The following PDXDC1 variants were observed in gnomAD, a reference collection of about 807,000 sequenced individuals.
PDXDC1 encodes the protein pyridoxal-dependent decarboxylase domain-containing protein 1.
A neutral mutation model predicts 100.1 loss-of-function variants in PDXDC1; 42 were observed. The ratio of observed to expected loss-of-function variants is 0.42; its 90% CI spans 0.33 to 0.54. The LOEUF is 0.54. Among genes scored for constraint, PDXDC1 ranks in the 20% least tolerant of loss-of-function variants. PDXDC1 has a pLI of 0.10. For missense variants in PDXDC1, 636 were observed against 979.2 expected, an observed-to-expected ratio of 0.65 and a Z score of 4.68; for synonymous variants, 260 against 371.7, an observed-to-expected ratio of 0.70 and a Z score of 3.46.
At chr16:15,144,870 G>A in the PDXDC1 span, among the ~76,000 whole-genome samples, 7 of 152,182 alleles carry the variant, frequency 4.6e-5, no homozygotes, top group South Asian at 2.1e-4. Flanking sequence ...GAAGGAGAGC[G>A]CTTCATACGT....
chr16:15,080,061 T>A, intron 16 of PDXDC1: 1 of 1,603,472 alleles, frequency 6.2e-7, no homozygotes. Flanking sequence ...TTGGAAAATA[T>A]ACACTAATCC....
chr16:15,124,653 T>G (rs1034882395), intron 16 of PDXDC1, among the ~76,000 whole-genome samples: 6 of 150,596 alleles, frequency 4.0e-5, no homozygotes, highest in Admixed American at 3.3e-4. Flanking sequence ...GCGCCTGTAG[T>G]CCCACCTACT....
intron 16 of PDXDC1, among the ~76,000 whole-genome samples, chr16:15,120,600 TA>T (rs1245477768): frequency 0.079 from 3 of 38 alleles, no homozygotes; most frequent in African/African-American, 0.5. Context: ...TCAGCATAAG[TA>T]AAAAAAAAAA....
chr16:15,102,321 C>T (rs1183474557), intron 16 of PDXDC1, among the ~76,000 whole-genome samples: 2 of 152,120 alleles, frequency 1.3e-5, no homozygotes, highest in Non-Finnish European at 2.9e-5. Context: ...TAAACCTGCC[C>T]TGAAGGGAGG....
intron 16 of PDXDC1, chr16:15,094,031 C>G: frequency 3.3e-6 from 3 of 904,962 alleles, no homozygotes; most frequent in Non-Finnish European, 5.4e-6. Flanking sequence ...ACCCTCCACC[C>G]CGTGCTCCTA....
At chr16:15,133,817 G>A (rs2048222704) in intron 16 of PDXDC1, 2 of 1,585,824 alleles carry the variant, frequency 1.3e-6, no homozygotes, top group Non-Finnish European at 8.5e-7. Context: ...AGTGCACCTT[G>A]GTGGTGAGGG....
intron 16 of PDXDC1, among the ~76,000 whole-genome samples, chr16:15,093,054 A>T (rs1430147382): frequency 6.6e-6 from 1 of 151,556 alleles, no homozygotes; most frequent in Non-Finnish European, 1.5e-5. Context: ...CCCAGGCTGG[A>T]GTGCAGTGGT....
intron 16 of PDXDC1, among the ~76,000 whole-genome samples, chr16:15,031,112 A>ATTTTTT (rs771115923): frequency 6.8e-5 from 5 of 73,920 alleles, no homozygotes; most frequent in Non-Finnish European, 7.4e-5. Flanking sequence ...CACCACATCT[A>ATTTTTT]TTTTTTTTTT....
rs571107840 is a variant in PDXDC1 at position 15,106,668 on chromosome 16, T to A, written c.1400-32211T>A. On this transcript the variant is annotated intron_variant, in intron 16 of 16. Transcript: ENST00000535621. ...TACTCGGGAGGCTGAGGCAGGGGAA[T>A]CACTTGAACCTGGGAGGCGGAGGTT... 3.8e-3 allele frequency among the ~76,000 whole-genome samples: 547 copies of A among 145,670 alleles called. 13 individuals are homozygous for A. Among genetic ancestry groups the A allele is most frequent in the Admixed American group, 6.1e-3 (88 of 14,386 alleles).
At chr16:15,072,194 G>A (rs1186191026) in intron 16 of PDXDC1, among the ~76,000 whole-genome samples, 1 of 148,762 alleles carries the variant, frequency 6.7e-6, no homozygotes, top group Non-Finnish European at 1.5e-5. Flanking sequence ...TCTCTAGGAA[G>A]CCACAAAATC....
At chr16:15,110,015 G>A (rs1347952716) in intron 16 of PDXDC1, among the ~76,000 whole-genome samples, 1 of 147,550 alleles carries the variant, frequency 6.8e-6, no homozygotes, top group African/African-American at 2.4e-5. Flanking sequence ...TTAGCTGGGC[G>A]TGGTGGTGGG....
intron 1 of PDXDC1, chr16:14,989,089 C>A (rs1302893466): frequency 6.2e-7 from 1 of 1,614,152 alleles, no homozygotes; most frequent in African/African-American, 1.3e-5. Context: ...ACGGTGAGGC[C>A]AGACGGCCTG....
At chr16:14,991,569 C>T (rs1970848463) in intron 1 of PDXDC1, among the ~76,000 whole-genome samples, 1 of 151,136 alleles carries the variant, frequency 6.6e-6, no homozygotes, top group Admixed American at 6.6e-5. Flanking sequence ...CTCTGTCACC[C>T]AGGCAGTGGC....
rs1179311932 is a variant in PDXDC1, at chr16:15,037,067, TC to T, written c.*794del. On this transcript the variant is annotated 3_prime_UTR_variant, in exon 23 of 23. Coordinates refer to ENST00000396410, the MANE Select transcript of PDXDC1 (RefSeq NM_015027.4). ...GATGCTACCCTTAAGAGCTTGCTCT[TC>T]CGTGTGCTACGTAGCACCCACCTGG... 1 of 152,202 alleles carries T rather than the reference TC, an allele frequency of 6.6e-6. No homozygotes were observed. Among genetic ancestry groups the T allele is most frequent in the East Asian group, 1.9e-4 (1 of 5,196 alleles). 9.4% of individuals were successfully genotyped at this position (152,202 alleles called of 1,614,324 possible). A position where few individuals can be genotyped will look rare whatever the true frequency, so the allele number is the denominator to read the frequency against.
In PDXDC1 at chr16:15,076,088, G is replaced by A. The variant is rs558951594; in HGVS notation, c.1399+46032G>A. On this transcript the variant is annotated intron_variant, in intron 16 of 16. Coordinates refer to the PDXDC1 transcript ENST00000535621. ...TGTAGCGACCTCCCAAGTGAGACCCGGCCCCCGTTTAGCTCCCCTGCCCTC... is the reference window on the plus strand; with the variant it reads ...TGTAGCGACCTCCCAAGTGAGACCCAGCCCCCGTTTAGCTCCCCTGCCCTC... Among the ~76,000 whole-genome samples, 27 of 152,178 alleles carry A rather than the reference G, an allele frequency of 1.8e-4. No homozygotes were observed. The East Asian group carries it at 3.7e-3, about 21-fold the overall frequency.
At chr16:15,132,848 G>C in intron 16 of PDXDC1, 1 of 1,584,176 alleles carries the variant, frequency 6.3e-7, no homozygotes, top group Non-Finnish European at 8.6e-7. Flanking sequence ...CTTGGGCTCT[G>C]CCGCCACGTC....
At chr16:15,004,667 A>T (rs1299882092) in intron 5 of PDXDC1, among the ~76,000 whole-genome samples, 28 of 152,248 alleles carry the variant, frequency 1.8e-4, no homozygotes, top group Admixed American at 1.3e-4. Flanking sequence ...TCTGGATTCA[A>T]ATACAGTTGT....
At chr16:15,149,474 C>A in the PDXDC1 span, among the ~76,000 whole-genome samples, 4 of 152,218 alleles carry the variant, frequency 2.6e-5, no homozygotes, top group African/African-American at 9.6e-5. Flanking sequence ...GCCAGCCCCC[C>A]AAGGAAGCTG....
intron 6 of PDXDC1, among the ~76,000 whole-genome samples, chr16:15,007,592 A>AG (rs2040893380): frequency 6.6e-6 from 1 of 152,286 alleles, no homozygotes; most frequent in Non-Finnish European, 1.5e-5. Context: ...ATAGGGTTGG[A>AG]GGGTTCCTCT....
Sources: allele counts gnomAD v4.1 joint callset (sites outside exome capture counted in the v4.1 genomes callset), GRCh38; gene constraint gnomAD v4.1.1; transcripts MANE v1.5; gene names NCBI Gene and HGNC (gene_info 2026-07-23, HGNC 2026-07-21).